Variants in CTNND2 observed in about 807,000 individuals in gnomAD.
CTNND2 encodes catenin delta-2.
Under a neutral mutation model 144.4 loss-of-function variants are expected in CTNND2, and 22 were observed. That is an observed-to-expected ratio of 0.15 (90% CI 0.11 to 0.22). The LOEUF is 0.22. CTNND2 is among the 10% of genes least tolerant of loss of function. The pLI is 1.00. For missense variants in CTNND2, 1,353 were observed against 1,618.8 expected, an observed-to-expected ratio of 0.84 and a Z score of 2.82; for synonymous variants, 751 against 695.6, an observed-to-expected ratio of 1.08 and a Z score of -1.25.
intron 1 of CTNND2, among the ~76,000 whole-genome samples, chr5:11,897,459 A>G (rs1163536440): frequency 6.6e-6 from 1 of 152,132 alleles, no homozygotes; most frequent in Non-Finnish European, 1.5e-5. Flanking sequence ...ACCAAAATCT[A>G]ATTATTTATA....
chr5:11,425,624 G>A (rs189746083), intron 3 of CTNND2, among the ~76,000 whole-genome samples: 3 of 152,086 alleles, frequency 2.0e-5, no homozygotes, highest in Admixed American at 6.5e-5. Context: ...TCCTACTAAC[G>A]TTCTTAAGCT....
At chr5:11,550,622 CAG>C (rs775923570) in intron 3 of CTNND2, among the ~76,000 whole-genome samples, 1 of 152,194 alleles carries the variant, frequency 6.6e-6, no homozygotes, top group African/African-American at 2.4e-5. Context: ...ACTAAACAAA[CAG>C]ATGTGTGAGA....
chr5:11,179,208 G>A lies in CTNND2; in HGVS notation c.1976-19449C>T, dbSNP rs533640563. On this transcript the variant is annotated intron_variant, in intron 11 of 21. Transcript: ENST00000304623. ...CTCGGGAGGCTGAGGTAGGAGAATC[G>A]CTTGAACCCAGGAGATGGAGGTTGC... Among the ~76,000 whole-genome samples, 14 of 152,008 alleles carry A rather than the reference G, an allele frequency of 9.2e-5. No individual in the cohort carries two copies. The East Asian group carries it at 1.2e-3, about 13-fold the overall frequency.
At chr5:11,806,435 T>C (rs1245649802) in intron 1 of CTNND2, among the ~76,000 whole-genome samples, 2 of 152,186 alleles carry the variant, frequency 1.3e-5, no homozygotes, top group African/African-American at 4.8e-5. Context: ...TACAGAATAC[T>C]ACAAGAACTT....
chr5:11,435,116 T>TATTC (rs76231724), intron 3 of CTNND2, among the ~76,000 whole-genome samples: 1 of 52,886 alleles, frequency 1.9e-5, no homozygotes, highest in Non-Finnish European at 3.4e-5. Flanking sequence ...TCTTTTTTAC[T>TATTC]ATTTATTTAT....
At chr5:11,044,541 A>AAAAC (rs1554031250) in intron 16 of CTNND2, among the ~76,000 whole-genome samples, 2 of 88,904 alleles carry the variant, frequency 2.2e-5, no homozygotes, top group Non-Finnish European at 3.8e-5. Context: ...AAAAAAAAAA[A>AAAAC]ATACATATAT....
At chr5:11,825,201 GT>G (rs1793534242) in intron 1 of CTNND2, among the ~76,000 whole-genome samples, 1 of 152,150 alleles carries the variant, frequency 6.6e-6, no homozygotes, top group Non-Finnish European at 1.5e-5. Context: ...AAGAACTACA[GT>G]TAATATAGAA....
chr5:11,731,017 C>A (rs1787359543), intron 2 of CTNND2, among the ~76,000 whole-genome samples: 1 of 152,192 alleles, frequency 6.6e-6, no homozygotes, highest in Non-Finnish European at 1.5e-5. Flanking sequence ...AGAAAACTCT[C>A]AAGAGTGAGC....
At chr5:11,331,973 C>A (rs1370624075) in intron 9 of CTNND2, among the ~76,000 whole-genome samples, 2 of 151,998 alleles carry the variant, frequency 1.3e-5, no homozygotes, top group African/African-American at 4.8e-5. Context: ...AAGCTAAGTA[C>A]CCTGATTTAA....
chr5:11,442,040 C>G (rs1409036976), intron 3 of CTNND2, among the ~76,000 whole-genome samples: 1 of 151,972 alleles, frequency 6.6e-6, no homozygotes, highest in East Asian at 1.9e-4. Flanking sequence ...CTTCCTAACA[C>G]TTTTTAAAAA....
At chr5:11,411,133 A>G (rs539964857) in intron 5 of CTNND2, among the ~76,000 whole-genome samples, 22 of 152,174 alleles carry the variant, frequency 1.4e-4, no homozygotes, top group Non-Finnish European at 2.6e-4. Flanking sequence ...CGGTCTCCCA[A>G]AGTGCTGGGA....
chr5:11,879,363 A>G (rs1371798943), intron 1 of CTNND2, among the ~76,000 whole-genome samples: 2 of 138,480 alleles, frequency 1.4e-5, no homozygotes, highest in African/African-American at 2.6e-5. Flanking sequence ...ATATACATAT[A>G]CACACACACA....
intron 18 of CTNND2, among the ~76,000 whole-genome samples, chr5:11,000,584 T>C (rs1342409904): frequency 1.3e-5 from 2 of 152,206 alleles, no homozygotes; most frequent in Non-Finnish European, 2.9e-5. Context: ...TAGCTTTGTA[T>C]GCAGGGGATG....
At chr5:11,438,127 T>G (rs1372042335) in intron 3 of CTNND2, among the ~76,000 whole-genome samples, 1 of 152,198 alleles carries the variant, frequency 6.6e-6, no homozygotes, top group African/African-American at 2.4e-5. Context: ...TGGCCAGCTG[T>G]GTATTGTGGA....
intron 12 of CTNND2, among the ~76,000 whole-genome samples, chr5:11,135,956 G>T (rs913201388): frequency 9.9e-5 from 15 of 152,204 alleles, no homozygotes; most frequent in African/African-American, 2.9e-4. Flanking sequence ...CTGAATATCT[G>T]TGTCCCTCCT....
chr5:11,273,436 A>G (rs1369006749), intron 9 of CTNND2, among the ~76,000 whole-genome samples: 1 of 152,176 alleles, frequency 6.6e-6, no homozygotes, highest in Admixed American at 6.6e-5. Flanking sequence ...TATAGGGAGA[A>G]GTGTCTCGCT....
At chr5:11,796,539 A>T (rs1373349380) in intron 1 of CTNND2, among the ~76,000 whole-genome samples, 2 of 152,246 alleles carry the variant, frequency 1.3e-5, no homozygotes, top group Non-Finnish European at 2.9e-5. Context: ...AACATTGCTA[A>T]AACCTTATCT....
chr5:11,181,990 GTA>G (rs1402307842), intron 11 of CTNND2, among the ~76,000 whole-genome samples: 2 of 138,478 alleles, frequency 1.4e-5, no homozygotes, highest in Admixed American at 7.1e-5. Flanking sequence ...TGTGTGTGTA[GTA>G]TGTGTGTGGT....
chr5:11,391,640 G>A (rs61749822), intron 6 of CTNND2, among the ~76,000 whole-genome samples: 3 of 152,312 alleles, frequency 2.0e-5, no homozygotes, highest in East Asian at 1.9e-4. Context: ...CTGGTACTGC[G>A]AGAAAAGTTT....
Sources: allele counts gnomAD v4.1 joint callset (sites outside exome capture counted in the v4.1 genomes callset), GRCh38; gene constraint gnomAD v4.1.1; transcripts MANE v1.5; gene names NCBI Gene and HGNC (gene_info 2026-07-23, HGNC 2026-07-21).